PRRG4: variants seen among roughly 807,000 people sequenced by gnomAD.
PRRG4 encodes transmembrane gamma-carboxyglutamic acid protein 4.
Under a neutral mutation model 20.0 loss-of-function variants are expected in PRRG4, and 12 were observed. The observed-to-expected ratio is 0.60, with a 90% confidence interval of 0.38 to 0.97. The LOEUF (loss-of-function observed/expected upper bound fraction) is 0.97. Among genes scored for constraint, PRRG4 ranks in the 50% least tolerant of loss-of-function variants. The pLI is 0.00. For missense variants in PRRG4, 199 were observed against 265.1 expected, an observed-to-expected ratio of 0.75 and a Z score of 1.73; for synonymous variants, 94 against 96.4, an observed-to-expected ratio of 0.98 and a Z score of 0.15.
chr11:32,831,858 T>G (rs1024442186), intron 2 of PRRG4, among the ~76,000 whole-genome samples: 1 of 152,090 alleles, frequency 6.6e-6, no homozygotes, highest in Non-Finnish European at 1.5e-5. Flanking sequence ...CCGTCTCTAC[T>G]AAATATACAA....
chr11:32,831,665 T>C (rs572568903), intron 2 of PRRG4, among the ~76,000 whole-genome samples: 2 of 152,308 alleles, frequency 1.3e-5, no homozygotes, highest in East Asian at 3.9e-4. Flanking sequence ...TAAGGTTCCA[T>C]AATCAGATGC....
At position 32,850,212 on chromosome 11, in the gene PRRG4, G is replaced by A. The variant is rs190035989; in HGVS notation, c.450-3084G>A. Among the ~76,000 whole-genome samples the A allele has an allele frequency of 1.2e-3, 189 of 152,122 alleles. 1 individual carries two copies. The highest frequency in any genetic ancestry group is 1.8e-3 in the Non-Finnish European group (120 of 68,000). ...AGCACAGTCATTATTTAGTGTCCTCGTGCTTACACTTTCTTCTCTCCCCTG... is the reference window on the plus strand; with the variant it reads ...AGCACAGTCATTATTTAGTGTCCTCATGCTTACACTTTCTTCTCTCCCCTG... On this transcript the variant is annotated intron_variant, in intron 5 of 5. Coordinates refer to ENST00000257836, the MANE Select transcript of PRRG4 (RefSeq NM_024081.6).
intron 3 of PRRG4, 80 bp from the exon 4 acceptor site, chr11:32,838,802 C>A (rs994460682): frequency 9.9e-7 from 1 of 1,010,230 alleles, no homozygotes; most frequent in Non-Finnish European, 1.6e-6. Context: ...GTTTACTACC[C>A]CTAGTCTAGG....
chr11:32,841,977 G>A (rs1851083757), intron 5 of PRRG4, among the ~76,000 whole-genome samples: 2 of 151,956 alleles, frequency 1.3e-5, no homozygotes, highest in Admixed American at 1.3e-4. Context: ...ACAACAACAT[G>A]GCATCAAAAA....
chr11:32,850,030 CTCCACAAGCTGGG>C lies in PRRG4; in HGVS notation c.450-3265_450-3253del, dbSNP rs1241830223. Among the ~76,000 whole-genome samples, 4 of 152,228 alleles carry C rather than the reference CTCCACAAGCTGGG, an allele frequency of 2.6e-5. No homozygotes were observed. The East Asian group carries it at 7.7e-4, about 29-fold the overall frequency. ...CTAAGATTTTATTCAGTGTGACTTT[CTCCACAAGCTGGG>C]AGTAATCCACAAGATAATGAAGAAA... On this transcript the variant is annotated intron_variant, in intron 5 of 5. Transcript: ENST00000257836.
chr11:32,830,388 G>T lies in PRRG4; in HGVS notation c.-22-120G>T. On this transcript the variant is annotated intron_variant, in intron 1 of 5. Coordinates refer to ENST00000257836, the MANE Select transcript of PRRG4 (RefSeq NM_024081.6). ...GTCGGGTTCCGGCGACCGAAACCGC[G>T]CGCCGGGCGCTCTTGCGCCTAGGCT... 12 of 938,892 alleles carry T rather than the reference G, an allele frequency of 1.3e-5. No individual in the cohort carries two copies. The Admixed American group carries it at 3.8e-4, about 30-fold the overall frequency. 58.2% of individuals were successfully genotyped at this position (938,892 alleles called of 1,614,324 possible).
chr11:32,855,214 G>A lies in PRRG4; in HGVS notation c.*1687G>A, dbSNP rs1851220228. 1 of 152,090 alleles carries A rather than the reference G, an allele frequency of 6.6e-6. No homozygotes were observed. The highest frequency in any genetic ancestry group is 2.4e-5 in the African/African-American group (1 of 41,412). The allele number at this position is 152,090 out of a possible 1,614,324, so 9.4% of individuals were successfully genotyped here. ...TTCTTCTAAATCATATGTATAACCA[G>A]TTTTTCCTTAAGAATGTAGCAGCAT... On this transcript the variant is annotated 3_prime_UTR_variant, in exon 6 of 6. Transcript: ENST00000257836.
intron 2 of PRRG4, among the ~76,000 whole-genome samples, chr11:32,833,537 G>C (rs943515162): frequency 6.6e-6 from 1 of 152,164 alleles, no homozygotes; most frequent in Non-Finnish European, 1.5e-5. Flanking sequence ...TCTCCATTCT[G>C]AACTTAGATT....
Position 32,840,224 on chromosome 11 carries a change from G to C in PRRG4, c.434G>C (p.Arg145Thr). Residue 145 changes from arginine to threonine, a missense_variant, in exon 5 of 6, where the codon AGG (arginine) becomes ACG (threonine). Transcript: ENST00000257836. The surrounding 1 kb of genome is among the most constrained non-coding windows in gnomAD (Gnocchi z 4.1). ...TATCTTTGTATCACTAAGTGTAATAGGCTACAACATCCATGGTAAGTACTA... is the reference window on the plus strand; with the variant it reads ...TATCTTTGTATCACTAAGTGTAATACGCTACAACATCCATGGTAAGTACTA... Reference protein sequence around the residue: ...GYYLCITKCNRLQHPCSSAVY... With the variant: ...GYYLCITKCNTLQHPCSSAVY... 2 of 1,595,772 alleles carry C rather than the reference G, an allele frequency of 1.3e-6. No individual in the cohort carries two copies. Among genetic ancestry groups the C allele is most frequent in the Non-Finnish European group, 1.7e-6 (2 of 1,166,172 alleles).
chr11:32,831,111 T>C (rs1271283520), intron 2 of PRRG4, among the ~76,000 whole-genome samples: 1 of 152,196 alleles, frequency 6.6e-6, no homozygotes, highest in Non-Finnish European at 1.5e-5. Context: ...GAGGTCCTTT[T>C]TGACTTCAGA....
At chr11:32,850,297 T>TC (rs1851170499) in intron 5 of PRRG4, among the ~76,000 whole-genome samples, 1 of 152,194 alleles carries the variant, frequency 6.6e-6, no homozygotes, top group Non-Finnish European at 1.5e-5. Context: ...ACCTTTTTTT[T>TC]CCCCTGAAAC....
chr11:32,848,510 TA>T (rs1309822894), intron 5 of PRRG4, among the ~76,000 whole-genome samples: 2 of 152,124 alleles, frequency 1.3e-5, no homozygotes, highest in Admixed American at 6.5e-5. Context: ...TGAGTGGAAT[TA>T]ATACCACTGA....
In PRRG4 at chr11:32,853,609, T is replaced by C; in HGVS notation, c.*82T>C. 1 of 1,155,156 alleles carries C rather than the reference T, an allele frequency of 8.7e-7. No individual in the cohort carries two copies. The highest frequency in any genetic ancestry group is 1.3e-6 in the Non-Finnish European group (1 of 793,776). The allele number at this position is 1,155,156 out of a possible 1,614,324, so 71.6% of individuals were successfully genotyped here. A position where few individuals can be genotyped will look rare whatever the true frequency, so the allele number is the denominator to read the frequency against. On this transcript the variant is annotated 3_prime_UTR_variant, in exon 6 of 6. Coordinates refer to ENST00000257836, the MANE Select transcript of PRRG4 (RefSeq NM_024081.6). Reference sequence around the variant, plus strand: ...GCTCATGCCTGTAATCCCAGCACTTTGGGAGGCCAGGAGTTCGAGACCAGC... The same window carrying C: ...GCTCATGCCTGTAATCCCAGCACTTCGGGAGGCCAGGAGTTCGAGACCAGC...
chr11:32,844,417 C>T (rs1179198820), intron 5 of PRRG4, among the ~76,000 whole-genome samples: 1 of 151,782 alleles, frequency 6.6e-6, no homozygotes, highest in Non-Finnish European at 1.5e-5. Flanking sequence ...ACAAAAAGTA[C>T]TTAAGAGAGT....
chr11:32,853,884 G>A lies in PRRG4; in HGVS notation c.*357G>A. The A allele has an allele frequency of 1.1e-5, 2 of 180,620 alleles. No individual in the cohort carries two copies. Among genetic ancestry groups the A allele is most frequent in the Non-Finnish European group, 1.2e-5 (1 of 84,850 alleles). 11.2% of individuals were successfully genotyped at this position (180,620 alleles called of 1,614,324 possible). ...GAAGAAGAAAAGAGAAGAAGGAGAA[G>A]GAGATGAAGGAGGAGGAGGAGGAGA... On this transcript the variant is annotated 3_prime_UTR_variant, in exon 6 of 6. Transcript: ENST00000257836.
intron 5 of PRRG4, among the ~76,000 whole-genome samples, chr11:32,852,356 T>C (rs1565118293): frequency 6.6e-6 from 1 of 152,168 alleles, no homozygotes; most frequent in Non-Finnish European, 1.5e-5. Flanking sequence ...GTTTGGCTTC[T>C]GAGGAGAAGA....
At position 32,856,429 on chromosome 11, in the gene PRRG4, T is replaced by C. The variant is rs1350477278; in HGVS notation, c.*2902T>C. On this transcript the variant is annotated 3_prime_UTR_variant, in exon 6 of 6. Coordinates refer to ENST00000257836, the MANE Select transcript of PRRG4 (RefSeq NM_024081.6). The stretch of plus-strand genomic sequence containing the variant: ...AAAGGAAAATATGATAGAACTGTTA[T>C]TGACAAATGCTTATAATGATTGAAG... 1.3e-5 allele frequency: 2 copies of C among 152,228 alleles called. No individual in the cohort carries two copies. The highest frequency in any genetic ancestry group is 2.1e-4 in the South Asian group (1 of 4,828). 9.4% of individuals were successfully genotyped at this position (152,228 alleles called of 1,614,324 possible).
chr11:32,837,128 A>G (rs1851027412), intron 3 of PRRG4, among the ~76,000 whole-genome samples: 1 of 152,096 alleles, frequency 6.6e-6, no homozygotes, highest in Non-Finnish European at 1.5e-5. Context: ...GCTCTAACTC[A>G]GGCTTCAATC....
intron 5 of PRRG4, among the ~76,000 whole-genome samples, chr11:32,844,550 G>C (rs1180046078): frequency 2.0e-5 from 3 of 151,214 alleles, no homozygotes; most frequent in African/African-American, 7.3e-5. Context: ...ACCCAGGCTG[G>C]AGTACAGTGG....
Sources: gnomAD v4.1 joint callset for allele counts (sites outside exome capture counted in the v4.1 genomes callset) on GRCh38, gnomAD v4.1.1 for gene constraint, Gnocchi (gnomAD v3.1) non-coding constraint, MANE v1.5 for transcripts, NCBI Gene and HGNC (gene_info 2026-07-23, HGNC 2026-07-21) for gene names.